KIAA1958: variants seen among roughly 807,000 people sequenced by gnomAD.
KIAA1958 encodes KIAA1958.
In KIAA1958, 14 loss-of-function variants were observed where a neutral mutation model predicts 47.2. The ratio of observed to expected loss-of-function variants is 0.30; its 90% CI spans 0.20 to 0.46. The LOEUF (loss-of-function observed/expected upper bound fraction) is 0.46, where lower values mean the gene tolerates loss of function less well. Ranked by LOEUF, KIAA1958 falls within the 20% of genes least tolerant of loss-of-function variation. The pLI, the probability that KIAA1958 is intolerant of heterozygous loss-of-function variation, is 1.00. For missense variants in KIAA1958, 803 were observed against 909.2 expected (o/e 0.88, Z 1.50); for synonymous variants, 354 against 353.3 (o/e 1.00, Z -0.02).
intron 1 of KIAA1958, among the ~76,000 whole-genome samples, chr9:112,501,476 G>A (rs1834137741): frequency 6.6e-6 from 1 of 152,164 alleles, no homozygotes; most frequent in African/African-American, 2.4e-5. Context: ...AAGTTGAGAA[G>A]TGAGAACGCT....
chr9:112,547,978 C>T (rs1268996047), intron 1 of KIAA1958, among the ~76,000 whole-genome samples: 2 of 151,054 alleles, frequency 1.3e-5, no homozygotes, highest in African/African-American at 4.9e-5. Flanking sequence ...ACCCTTTCAA[C>T]CAATTGCCAG....
chr9:112,607,913 A>T (rs1257402138), intron 2 of KIAA1958, among the ~76,000 whole-genome samples: 1 of 152,202 alleles, frequency 6.6e-6, no homozygotes, highest in Non-Finnish European at 1.5e-5. Context: ...AGAATTTTGA[A>T]CCTAATCAAA....
At chr9:112,575,450 G>A (rs979184697) in intron 2 of KIAA1958, among the ~76,000 whole-genome samples, 199 bp downstream of exon 2, 8 of 151,804 alleles carry the variant, frequency 5.3e-5, no homozygotes, top group Admixed American at 1.3e-4. Context: ...TCTAGTTGAC[G>A]TACCTTAGGG....
chr9:112,531,438 A>G (rs2132811528), intron 1 of KIAA1958, among the ~76,000 whole-genome samples: 1 of 152,320 alleles, frequency 6.6e-6, no homozygotes, highest in South Asian at 2.1e-4. Flanking sequence ...GATCCTAATA[A>G]GTACGAATAA....
At chr9:112,598,823 C>T (rs145668618) in intron 2 of KIAA1958, among the ~76,000 whole-genome samples, 1 of 152,224 alleles carries the variant, frequency 6.6e-6, no homozygotes, top group African/African-American at 2.4e-5. Flanking sequence ...GTAATCCTAG[C>T]ACTTTGACTT....
intron 1 of KIAA1958, among the ~76,000 whole-genome samples, chr9:112,506,861 G>A (rs139851772): frequency 2.6e-4 from 40 of 152,226 alleles, no homozygotes; most frequent in Non-Finnish European, 4.6e-4. Flanking sequence ...AATAGAACCT[G>A]AGATTGTGCT....
chr9:112,487,426 C>T (rs1306972428), intron 1 of KIAA1958, among the ~76,000 whole-genome samples: 2 of 152,002 alleles, frequency 1.3e-5, no homozygotes, highest in Admixed American at 1.3e-4. Flanking sequence ...CGGGTCTCAG[C>T]GGCGGCTGCA....
rs531655116 is a variant in KIAA1958, at chr9:112,660,075, C to G, written c.*6C>G. ...CCCACAGCTGCTGCCAGTGAGCCCC[C>G]ACTGGGGCCCGGCCACTGCCCTGTC... On this transcript the variant is annotated 3_prime_UTR_variant, in exon 4 of 4. Coordinates refer to ENST00000337530, the MANE Select transcript of KIAA1958 (RefSeq NM_133465.4). The G allele has an allele frequency of 8.1e-6, 13 of 1,610,214 alleles. No individual in the cohort carries two copies. The highest frequency in any genetic ancestry group is 2.1e-4 in the Middle Eastern group (1 of 4,794).
intron 2 of KIAA1958, among the ~76,000 whole-genome samples, chr9:112,596,511 A>G (rs1240343380): frequency 1.3e-5 from 2 of 152,216 alleles, no homozygotes; most frequent in Non-Finnish European, 2.9e-5. Flanking sequence ...GCCTATACTT[A>G]TAAATGAGTA....
In KIAA1958 at chr9:112,660,421, T is replaced by G. The variant is rs1383130876; in HGVS notation, c.*352T>G. 1 of 241,844 alleles carries G rather than the reference T, an allele frequency of 4.1e-6. No individual in the cohort carries two copies. Among genetic ancestry groups the G allele is most frequent in the African/African-American group, 2.2e-5 (1 of 45,214 alleles). 15.0% of individuals were successfully genotyped at this position (241,844 alleles called of 1,614,324 possible). ...AACAAAAAAGGAAACTGTTAAGTAGTCGTTTAAAAAAAAAATCCCAGTAGC... is the reference window on the plus strand; with the variant it reads ...AACAAAAAAGGAAACTGTTAAGTAGGCGTTTAAAAAAAAAATCCCAGTAGC... On this transcript the variant is annotated 3_prime_UTR_variant, in exon 4 of 4. Coordinates refer to ENST00000337530, the MANE Select transcript of KIAA1958 (RefSeq NM_133465.4).
intron 2 of KIAA1958, among the ~76,000 whole-genome samples, chr9:112,586,871 G>A (rs541115153): frequency 5.9e-5 from 9 of 152,290 alleles, no homozygotes; most frequent in African/African-American, 2.2e-4. Flanking sequence ...TACAACCTCA[G>A]GTCAAACAAG....
chr9:112,602,551 C>A (rs1415942281), intron 2 of KIAA1958, among the ~76,000 whole-genome samples: 1 of 152,008 alleles, frequency 6.6e-6, no homozygotes, highest in Non-Finnish European at 1.5e-5. Context: ...GGGAGCTATC[C>A]ATTGGTTTTA....
intron 1 of KIAA1958, among the ~76,000 whole-genome samples, chr9:112,521,415 T>A (rs1694003069): frequency 2.0e-5 from 3 of 152,190 alleles, no homozygotes; most frequent in Admixed American, 2.0e-4. Flanking sequence ...GTTCTCACTC[T>A]GTTGCCCAGT....
intron 2 of KIAA1958, among the ~76,000 whole-genome samples, chr9:112,631,775 A>G (rs1168443745): frequency 6.6e-6 from 1 of 152,176 alleles, no homozygotes; most frequent in Non-Finnish European, 1.5e-5. Context: ...ATCTAGCTGT[A>G]GTTACCATTT....
chr9:112,496,711 C>G (rs1834057002), intron 1 of KIAA1958, among the ~76,000 whole-genome samples: 2 of 152,254 alleles, frequency 1.3e-5, no homozygotes, highest in Admixed American at 6.5e-5. Flanking sequence ...GGTGTTCTTC[C>G]TAAAGCCTCT....
intron 1 of KIAA1958, among the ~76,000 whole-genome samples, chr9:112,517,332 GTC>G (rs1328971474): frequency 6.6e-6 from 1 of 152,110 alleles, no homozygotes; most frequent in African/African-American, 2.4e-5. Context: ...AGAATTGTAT[GTC>G]TATATGCAAA....
rs1157711532 is a variant in KIAA1958, at chr9:112,661,563, A to T, written c.*1494A>T. On this transcript the variant is annotated 3_prime_UTR_variant, in exon 4 of 4. Transcript: ENST00000337530. ...TTTTGAAAACATTATTTTAGTATTT[A>T]TTTTAATTAATTGGTTTCTTAAAAA... is the stretch of plus-strand genomic sequence containing the variant. 3 of 152,206 alleles carry T rather than the reference A, an allele frequency of 2.0e-5. No homozygotes were observed. Among genetic ancestry groups the T allele is most frequent in the Non-Finnish European group, 4.4e-5 (3 of 68,030 alleles). 9.4% of individuals were successfully genotyped at this position (152,206 alleles called of 1,614,324 possible). A position where few individuals can be genotyped will look rare whatever the true frequency, so the allele number is the denominator to read the frequency against.
chr9:112,618,501 C>CAG lies in KIAA1958; in HGVS notation c.1172-27147_1172-27146dup. 1 of 1,550,742 alleles carries CAG rather than the reference C, an allele frequency of 6.4e-7. No individual in the cohort carries two copies. The highest frequency in any genetic ancestry group is 8.7e-7 in the Non-Finnish European group (1 of 1,147,024). ...AATGCCAAAACCAAGAGAGGGGGGA[C>CAG]AGACTCCCGTGTGTATGCCACCCAG... is the stretch of plus-strand genomic sequence containing the variant. On this transcript the variant is annotated intron_variant, in intron 2 of 3. Coordinates refer to ENST00000337530, the MANE Select transcript of KIAA1958 (RefSeq NM_133465.4). This position sits in a 1 kb window ranked among gnomAD's most constrained non-coding sequence, Gnocchi z 7.1.
Position 112,659,976 on chromosome 9 carries a change from CAAG to C in KIAA1958, c.2062_2064del (p.Lys688del). 6.2e-7 allele frequency: 1 copy of C among 1,614,248 alleles called. No individual in the cohort carries two copies. The highest frequency in any genetic ancestry group is 8.5e-7 in the Non-Finnish European group (1 of 1,180,038). On this transcript the variant is annotated inframe_deletion, in exon 4 of 4. Transcript: ENST00000337530. ...TTCGGGGAATTGTCCCAAACTTAGC[CAAG>C]AAGGTCAAGCTGGAAAACTGTGAGA...
Sources: allele counts gnomAD v4.1 joint callset (sites outside exome capture counted in the v4.1 genomes callset), GRCh38; gene constraint gnomAD v4.1.1; non-coding constraint Gnocchi (gnomAD v3.1); transcripts MANE v1.5; gene names NCBI Gene and HGNC (gene_info 2026-07-23, HGNC 2026-07-21).